Variants in NCKAP5 observed in about 807,000 individuals in gnomAD.
NCKAP5 encodes NCK associated protein 5, also known as nck-associated protein 5.
In NCKAP5, 92 loss-of-function variants were observed where a neutral mutation model predicts 167.0. That is an observed-to-expected ratio of 0.55 (90% CI 0.47 to 0.66). NCKAP5 has a LOEUF of 0.66. Ranked by LOEUF, NCKAP5 falls within the 30% of genes least tolerant of loss-of-function variation. The pLI is 0.00. For missense variants in NCKAP5, 2,378 were observed against 2,315.0 expected, an observed-to-expected ratio of 1.03 and a Z score of -0.56; for synonymous variants, 891 against 877.4, an observed-to-expected ratio of 1.02 and a Z score of -0.27.
chr2:132,843,191 T>C (rs1240465643), intron 11 of NCKAP5, among the ~76,000 whole-genome samples: 1 of 152,110 alleles, frequency 6.6e-6, no homozygotes, highest in Non-Finnish European at 1.5e-5. Flanking sequence ...AAAGCAGTGG[T>C]TTGTATATGG....
Position 132,811,075 on chromosome 2 carries a change from A to C in NCKAP5, c.808-14346T>G, listed in dbSNP as rs199956138. On this transcript the variant is annotated intron_variant, in intron 11 of 19. Transcript: ENST00000409261. ...CCACCCAGTGAGTCTACTCGACTCC[A>C]GACAGGTACTGGGGGTTGTCTGCAC... 2.6e-5 allele frequency among the ~76,000 whole-genome samples: 4 copies of C among 152,168 alleles called. No individual in the cohort carries two copies. The East Asian group carries it at 7.7e-4, about 29-fold the overall frequency.
intron 19 of NCKAP5, among the ~76,000 whole-genome samples, chr2:132,709,145 A>ACCC (rs200395347): frequency 1.4e-5 from 2 of 141,288 alleles, no homozygotes; most frequent in African/African-American, 6.2e-5. Context: ...CATAATATCT[A>ACCC]CACCCCCCCA....
At chr2:133,192,600 A>G (rs1394339010) in intron 5 of NCKAP5, among the ~76,000 whole-genome samples, 1 of 152,136 alleles carries the variant, frequency 6.6e-6, no homozygotes, top group African/African-American at 2.4e-5. Flanking sequence ...AAAGACATGT[A>G]GAGACATTTC....
intron 3 of NCKAP5, among the ~76,000 whole-genome samples, chr2:133,363,406 C>A (rs1376334077): frequency 6.6e-6 from 1 of 152,088 alleles, no homozygotes; most frequent in Non-Finnish European, 1.5e-5. Context: ...GATCATGTGG[C>A]ACACAAAGCT....
chr2:133,533,892 C>T (rs1185253916), intron 2 of NCKAP5, among the ~76,000 whole-genome samples: 1 of 152,120 alleles, frequency 6.6e-6, no homozygotes, highest in East Asian at 1.9e-4. Context: ...TATGTAAGTA[C>T]ATGCCTCTGT....
At chr2:132,719,138 T>C (rs1427603916) in intron 19 of NCKAP5, among the ~76,000 whole-genome samples, 1 of 152,090 alleles carries the variant, frequency 6.6e-6, no homozygotes, top group Admixed American at 6.6e-5. Context: ...CAGCATTGTG[T>C]GTTCAGGACA....
intron 8 of NCKAP5, among the ~76,000 whole-genome samples, chr2:132,897,351 C>T (rs1469387890): frequency 6.6e-6 from 1 of 152,168 alleles, no homozygotes; most frequent in Non-Finnish European, 1.5e-5. Context: ...ATTTCTATGT[C>T]TCAACAGATG....
intron 7 of NCKAP5, among the ~76,000 whole-genome samples, chr2:132,970,319 G>A (rs1037399051): frequency 2.0e-5 from 3 of 152,198 alleles, no homozygotes; most frequent in Admixed American, 6.5e-5. Flanking sequence ...TCAAAAATGT[G>A]TAGTGCTAAA....
At position 133,436,179 on chromosome 2, in the gene NCKAP5, T is replaced by C. The variant is rs142168813; in HGVS notation, c.69+81279A>G. On this transcript the variant is annotated intron_variant, in intron 3 of 19. Transcript: ENST00000409261. The stretch of plus-strand genomic sequence containing the variant: ...AAACTGTCATCCTCTCTTGCCTGCA[T>C]TCCACCTAACATTCTTCTAGTGCAA... Among the ~76,000 whole-genome samples, 187 of 152,312 alleles carry C rather than the reference T, an allele frequency of 1.2e-3. 2 individuals carry two copies. Among genetic ancestry groups the C allele is most frequent in the African/African-American group, 4.0e-3 (168 of 41,576 alleles).
At chr2:133,576,001 T>C in the NCKAP5 span, among the ~76,000 whole-genome samples, 1 of 152,228 alleles carries the variant, frequency 6.6e-6, no homozygotes, top group African/African-American at 2.4e-5. Flanking sequence ...CATGCTAGCA[T>C]GGTGCTAGCC....
intron 11 of NCKAP5, among the ~76,000 whole-genome samples, chr2:132,830,128 A>G (rs758269095): frequency 2.0e-5 from 3 of 152,188 alleles, no homozygotes; most frequent in Non-Finnish European, 2.9e-5. Context: ...AAGTCTGGGC[A>G]TTACTTTCTT....
At chr2:133,081,735 A>T (rs1411182856) in intron 6 of NCKAP5, among the ~76,000 whole-genome samples, 1 of 152,154 alleles carries the variant, frequency 6.6e-6, no homozygotes, top group Non-Finnish European at 1.5e-5. Flanking sequence ...ACAGGTAAAG[A>T]TGGCCTTTTG....
intron 6 of NCKAP5, chr2:133,122,679 C>G (rs986014258): frequency 1.3e-5 from 2 of 152,120 alleles, no homozygotes; most frequent in African/African-American, 4.8e-5. Context: ...ATCTCAACTT[C>G]TCCAGAGTCA....
At chr2:132,713,166 A>G (rs1553478647) in intron 19 of NCKAP5, among the ~76,000 whole-genome samples, 1 of 152,216 alleles carries the variant, frequency 6.6e-6, no homozygotes, top group Non-Finnish European at 1.5e-5. Context: ...AAAAAAATCA[A>G]TAAAAATGGT....
the NCKAP5 span, among the ~76,000 whole-genome samples, chr2:133,654,306 A>C: frequency 6.6e-6 from 1 of 152,186 alleles, no homozygotes; most frequent in African/African-American, 2.4e-5. Context: ...TGAACCCAGG[A>C]GGCTGAGATT....
rs2078782803 is a variant in NCKAP5 at position 133,028,852 on chromosome 2, G to T, written c.342-34613C>A. On this transcript the variant is annotated intron_variant, in intron 6 of 19. Coordinates refer to ENST00000409261, the MANE Select transcript of NCKAP5 (RefSeq NM_207363.3). ...TGGTGCTGCTTAGCACAATCCTCTT[G>T]GTGCTGTTCTCATGACAGTAAGCAA... Among the ~76,000 whole-genome samples the T allele has an allele frequency of 2.6e-5, 4 of 152,064 alleles. No homozygotes were observed. The South Asian group carries it at 8.3e-4, about 32-fold the overall frequency.
At chr2:133,336,718 G>T (rs1683231639) in intron 3 of NCKAP5, among the ~76,000 whole-genome samples, 1 of 152,150 alleles carries the variant, frequency 6.6e-6, no homozygotes, top group Non-Finnish European at 1.5e-5. Flanking sequence ...GGGAAATTTT[G>T]AATACATTCC....
rs185169561 is a variant in NCKAP5 at position 133,350,979 on chromosome 2, C to A, written c.70-47869G>T. Among the ~76,000 whole-genome samples, 14 of 152,200 alleles carry A rather than the reference C, an allele frequency of 9.2e-5. No homozygotes were observed. In the East Asian group the frequency reaches 2.5e-3, roughly 27 times the overall value. ...CTAGATCACATCTCTCTATTAAATGCCCTCAAACACCCTGAGCCACATCTT... is the reference window on the plus strand; with the variant it reads ...CTAGATCACATCTCTCTATTAAATGACCTCAAACACCCTGAGCCACATCTT... On this transcript the variant is annotated intron_variant, in intron 3 of 19. Transcript: ENST00000409261.
chr2:133,520,126 G>A, intron 2 of NCKAP5, among the ~76,000 whole-genome samples: 1 of 152,228 alleles, frequency 6.6e-6, no homozygotes. Context: ...AGGAGGCGGA[G>A]GTTGCGGTGA....
Sources: allele counts gnomAD v4.1 joint callset (sites outside exome capture counted in the v4.1 genomes callset), GRCh38; gene constraint gnomAD v4.1.1; transcripts MANE v1.5; gene names NCBI Gene and HGNC (gene_info 2026-07-23, HGNC 2026-07-21).